Variants in FAM163A observed in about 807,000 individuals in gnomAD.
FAM163A encodes family with sequence similarity 163 member A, also known as protein FAM163A.
In FAM163A, 7 loss-of-function variants were observed where a neutral mutation model predicts 12.0. The ratio of observed to expected loss-of-function variants is 0.58; its 90% CI spans 0.33 to 1.10. The LOEUF (loss-of-function observed/expected upper bound fraction) is 1.10, where lower values mean the gene tolerates loss of function less well. Among genes scored for constraint, FAM163A ranks in the 50% least tolerant of loss-of-function variants. The pLI is 0.03. For missense variants in FAM163A, 202 were observed against 218.6 expected, an observed-to-expected ratio of 0.92 and a Z score of 0.48; for synonymous variants, 101 against 91.0, an observed-to-expected ratio of 1.11 and a Z score of -0.62.
the FAM163A span, among the ~76,000 whole-genome samples, chr1:179,735,294 C>T: frequency 3.3e-5 from 5 of 152,004 alleles, no homozygotes; most frequent in Admixed American, 2.0e-4. Flanking sequence ...CATCAAAGAG[C>T]TAATACGTTA....
At chr1:179,763,921 C>T (rs1557911098) in intron 1 of FAM163A, among the ~76,000 whole-genome samples, 1 of 152,146 alleles carries the variant, frequency 6.6e-6, no homozygotes, top group Non-Finnish European at 1.5e-5. Flanking sequence ...GAATTCCTTC[C>T]ACTGCTTCTT....
chr1:179,757,096 C>G (rs113979253), intron 1 of FAM163A, among the ~76,000 whole-genome samples: 180 of 152,218 alleles, frequency 1.2e-3, no homozygotes, highest in African/African-American at 4.3e-3. Flanking sequence ...GGTGTGGACA[C>G]AGCAAGTATA....
intron 1 of FAM163A, among the ~76,000 whole-genome samples, chr1:179,764,791 C>G (rs192045151): frequency 6.6e-6 from 1 of 152,276 alleles, no homozygotes; most frequent in African/African-American, 2.4e-5. Flanking sequence ...TCCCTGTCAC[C>G]TGGGGCAAAT....
At chr1:179,787,010 C>A (rs1012458252) in intron 1 of FAM163A, among the ~76,000 whole-genome samples, 4 of 152,234 alleles carry the variant, frequency 2.6e-5, no homozygotes, top group Admixed American at 6.5e-5. Context: ...GGGAGGGAGA[C>A]CTTCCTACCC....
intron 1 of FAM163A, among the ~76,000 whole-genome samples, chr1:179,764,375 G>C (rs1056054008): frequency 6.6e-6 from 1 of 152,142 alleles, no homozygotes; most frequent in African/African-American, 2.4e-5. Context: ...GCCATGATTG[G>C]GGAGTGAAGC....
chr1:179,744,285 G>A (rs1319768382), intron 1 of FAM163A, among the ~76,000 whole-genome samples: 1 of 152,062 alleles, frequency 6.6e-6, no homozygotes, highest in Non-Finnish European at 1.5e-5. Context: ...CGCGCTCAAG[G>A]CGCCGGCCAC....
intron 1 of FAM163A, among the ~76,000 whole-genome samples, chr1:179,768,787 G>T (rs1017443723): frequency 2.6e-5 from 4 of 152,022 alleles, no homozygotes; most frequent in Admixed American, 2.0e-4. Context: ...TGTATTTTTA[G>T]TAGAGACGGG....
At chr1:179,761,204 G>C (rs1304288716) in intron 1 of FAM163A, among the ~76,000 whole-genome samples, 1 of 152,248 alleles carries the variant, frequency 6.6e-6, no homozygotes, top group East Asian at 1.9e-4. Context: ...ATCGCAAAAT[G>C]TTAGCTATGC....
chr1:179,744,029 G>A (rs2147938441), intron 1 of FAM163A, among the ~76,000 whole-genome samples: 1 of 152,300 alleles, frequency 6.6e-6, no homozygotes, highest in East Asian at 1.9e-4. Context: ...GGGCAGCCTT[G>A]AGACCGGGGC....
chr1:179,812,515 G>C (rs910090004), intron 3 of FAM163A, among the ~76,000 whole-genome samples: 20 of 152,316 alleles, frequency 1.3e-4, no homozygotes, highest in African/African-American at 4.3e-4. Context: ...TTCCCCGCCA[G>C]CCCGGGCCAA....
At chr1:179,773,107 T>C (rs569158962) in intron 1 of FAM163A, among the ~76,000 whole-genome samples, 1 of 151,358 alleles carries the variant, frequency 6.6e-6, no homozygotes, top group African/African-American at 2.4e-5. Context: ...TGAAGTTCTT[T>C]CAAAATTTTA....
the FAM163A span, among the ~76,000 whole-genome samples, chr1:179,737,662 C>T: frequency 6.6e-3 from 1,005 of 152,202 alleles, 7 homozygotes; most frequent in Non-Finnish European, 0.011. Context: ...GGTGAAACTC[C>T]GTCTCTACTA....
intron 1 of FAM163A, among the ~76,000 whole-genome samples, chr1:179,775,276 G>A (rs536711253): frequency 2.1e-4 from 32 of 152,306 alleles, no homozygotes; most frequent in Admixed American, 3.9e-4. Flanking sequence ...CCAATTGGTT[G>A]CAAAAAGCAA....
chr1:179,755,548 A>G (rs1259450965), intron 1 of FAM163A, among the ~76,000 whole-genome samples: 1 of 152,226 alleles, frequency 6.6e-6, no homozygotes, highest in Non-Finnish European at 1.5e-5. Context: ...TGGCAGTGGG[A>G]TCGGGGTTAG....
intron 2 of FAM163A, among the ~76,000 whole-genome samples, chr1:179,808,834 T>C (rs980205337): frequency 6.6e-6 from 1 of 152,110 alleles, no homozygotes; most frequent in African/African-American, 2.4e-5. Context: ...GGCTGCTGTT[T>C]GGGTGTAAGG....
intron 1 of FAM163A, among the ~76,000 whole-genome samples, chr1:179,763,197 C>T (rs191659654): frequency 2.0e-5 from 3 of 152,298 alleles, no homozygotes; most frequent in East Asian, 3.9e-4. Context: ...AAGACCTTCT[C>T]GTGATTTAGC....
In FAM163A at chr1:179,813,650, C is replaced by T. The variant is rs77831891; in HGVS notation, c.94-129C>T. Reference sequence around the variant, plus strand: ...GGGATTAGAAACTTGTGGAGCAGGCCCCTGGGGTTCAGTGCCTGGCACTAG... The same window carrying T: ...GGGATTAGAAACTTGTGGAGCAGGCTCCTGGGGTTCAGTGCCTGGCACTAG... On this transcript the variant is annotated intron_variant, in intron 4 of 4. Coordinates refer to ENST00000341785, the MANE Select transcript of FAM163A (RefSeq NM_173509.3). The T allele has an allele frequency of 2.7e-4, 279 of 1,044,036 alleles. 1 individual carries two copies. The East Asian group carries it at 6.6e-3, about 25-fold the overall frequency. 64.7% of individuals were successfully genotyped at this position (1,044,036 alleles called of 1,614,324 possible). A position where few individuals can be genotyped will look rare whatever the true frequency, so the allele number is the denominator to read the frequency against.
chr1:179,750,207 T>G (rs1218262634), intron 1 of FAM163A, among the ~76,000 whole-genome samples: 1 of 152,208 alleles, frequency 6.6e-6, no homozygotes, highest in Non-Finnish European at 1.5e-5. Context: ...AAGTGTTTAC[T>G]GAATGTCACT....
At chr1:179,754,133 T>C (rs891942978) in intron 1 of FAM163A, among the ~76,000 whole-genome samples, 6 of 152,150 alleles carry the variant, frequency 3.9e-5, no homozygotes, top group African/African-American at 1.4e-4. Flanking sequence ...CCAGTCTCTT[T>C]TTTTTTCTAA....
Sources: allele counts gnomAD v4.1 joint callset (sites outside exome capture counted in the v4.1 genomes callset), GRCh38; gene constraint gnomAD v4.1.1; transcripts MANE v1.5; gene names NCBI Gene and HGNC (gene_info 2026-07-23, HGNC 2026-07-21).